The following CHCHD3 variants were observed in gnomAD, a reference collection of about 807,000 sequenced individuals.
CHCHD3 encodes the protein coiled-coil-helix-coiled-coil-helix domain containing 3.
Under a neutral mutation model 38.2 loss-of-function variants are expected in CHCHD3, and 20 were observed. The observed-to-expected ratio is 0.52, with a 90% confidence interval of 0.37 to 0.76. The LOEUF (loss-of-function observed/expected upper bound fraction) is 0.76. Among genes scored for constraint, CHCHD3 ranks in the 30% least tolerant of loss-of-function variants. CHCHD3 has a pLI of 0.00. For synonymous variants in CHCHD3, 82 were observed against 100.0 expected (o/e 0.82, Z 1.07); for missense variants, 245 against 279.2 (o/e 0.88, Z 0.87).
intron 3 of CHCHD3, 44 bp from the exon 4 acceptor site, chr7:132,975,330 A>T (rs771874544): frequency 3.4e-6 from 5 of 1,460,572 alleles, no homozygotes; most frequent in Admixed American, 3.6e-5. Flanking sequence ...ATATTTTATT[A>T]GTTGACATTA....
intron 4 of CHCHD3, among the ~76,000 whole-genome samples, chr7:132,956,521 A>T (rs11983398): frequency 0.71 from 108,552 of 152,106 alleles, 38,880 homozygotes; most frequent in African/African-American, 0.75. Flanking sequence ...AGGCAAGTCA[A>T]GTTATAAATT....
At position 132,975,039 on chromosome 7, in the gene CHCHD3, C is replaced by T. The variant is rs1433186315; in HGVS notation, c.369+130G>A. Reference sequence around the variant, plus strand: ...TAAGCTACTTATAAAAGGCAAAAATCAAAATCTGAGCAAAGAGAACATGAA... The same window carrying T: ...TAAGCTACTTATAAAAGGCAAAAATTAAAATCTGAGCAAAGAGAACATGAA... On this transcript the variant is annotated intron_variant, in intron 4 of 7. Transcript: ENST00000262570. 8.0e-6 allele frequency: 6 copies of T among 749,780 alleles called. No individual in the cohort carries two copies. The Middle Eastern group carries it at 1.2e-3, about 151-fold the overall frequency. The allele number at this position is 749,780 out of a possible 1,614,324, so 46.4% of individuals were successfully genotyped here. A position where few individuals can be genotyped will look rare whatever the true frequency, so the allele number is the denominator to read the frequency against.
At chr7:132,993,612 C>A (rs1812338844) in intron 3 of CHCHD3, among the ~76,000 whole-genome samples, 1 of 152,216 alleles carries the variant, frequency 6.6e-6, no homozygotes, top group Non-Finnish European at 1.5e-5. Context: ...GTGGAAGGAT[C>A]CACTAAGTGG....
chr7:133,071,876 A>G (rs1013210084), intron 1 of CHCHD3, among the ~76,000 whole-genome samples: 2 of 152,240 alleles, frequency 1.3e-5, no homozygotes, highest in Non-Finnish European at 1.5e-5. Flanking sequence ...GATTCTATTT[A>G]TATGAAACAC....
intron 4 of CHCHD3, among the ~76,000 whole-genome samples, chr7:132,938,740 G>A (rs758588582): frequency 7.9e-5 from 12 of 152,056 alleles, no homozygotes; most frequent in African/African-American, 1.4e-4. Context: ...CCCCGACACC[G>A]GCAACAAGCA....
intron 3 of CHCHD3, among the ~76,000 whole-genome samples, chr7:133,006,089 C>A (rs540928519): frequency 3.3e-5 from 5 of 152,264 alleles, no homozygotes; most frequent in African/African-American, 1.2e-4. Context: ...CTAAAATGAT[C>A]TGGCAAGAAT....
At chr7:132,954,652 A>G (rs978572645) in intron 4 of CHCHD3, among the ~76,000 whole-genome samples, 1 of 152,190 alleles carries the variant, frequency 6.6e-6, no homozygotes, top group African/African-American at 2.4e-5. Context: ...GGGAGCCCAC[A>G]GCAGCAGGCC....
chr7:132,851,272 C>A (rs1808212927), intron 5 of CHCHD3, among the ~76,000 whole-genome samples: 1 of 152,136 alleles, frequency 6.6e-6, no homozygotes, highest in East Asian at 1.9e-4. Flanking sequence ...AATATGCCTT[C>A]ATTTCCAGTA....
intron 4 of CHCHD3, among the ~76,000 whole-genome samples, chr7:132,943,118 T>C (rs541852368): frequency 6.6e-6 from 1 of 152,256 alleles, no homozygotes; most frequent in South Asian, 2.1e-4. Context: ...TATCTAAATA[T>C]TAGAAGCACA....
intron 4 of CHCHD3, among the ~76,000 whole-genome samples, chr7:132,964,390 G>C (rs1180850781): frequency 1.3e-5 from 2 of 152,178 alleles, no homozygotes; most frequent in Non-Finnish European, 2.9e-5. Flanking sequence ...AGACTAGCCT[G>C]ACCAACATGG....
At chr7:133,043,369 C>T (rs1406190165) in intron 2 of CHCHD3, among the ~76,000 whole-genome samples, 7 of 152,052 alleles carry the variant, frequency 4.6e-5, no homozygotes, top group Non-Finnish European at 8.8e-5. Context: ...CGACTGGACA[C>T]GGTGGCTCAC....
rs576874779 is a variant in CHCHD3, at chr7:132,789,275, ACTTAAT to A, written c.661-3621_661-3616del. On this transcript the variant is annotated intron_variant, in intron 7 of 7. Transcript: ENST00000262570. ...TTCCTTCATTTAAGGAACTGCTAAC[ACTTAAT>A]CTTAATGTGGAGAAAGAAATTCCTT... Among the ~76,000 whole-genome samples the A allele has an allele frequency of 1.5e-3, 225 of 152,322 alleles. 1 individual carries two copies. Among genetic ancestry groups the A allele is most frequent in the Non-Finnish European group, 2.7e-3 (185 of 68,028 alleles).
chr7:133,046,236 A>T (rs942591711), intron 2 of CHCHD3, among the ~76,000 whole-genome samples: 1 of 152,224 alleles, frequency 6.6e-6, no homozygotes, highest in Non-Finnish European at 1.5e-5. Flanking sequence ...AGAGATCTGT[A>T]AACTTGGATA....
chr7:132,991,968 T>G (rs531993350), intron 3 of CHCHD3, among the ~76,000 whole-genome samples: 1 of 152,334 alleles, frequency 6.6e-6, no homozygotes, highest in South Asian at 2.1e-4. Context: ...GTTCAACATT[T>G]GGCTACGACT....
chr7:132,974,948 C>A (rs1201196905), intron 4 of CHCHD3, among the ~76,000 whole-genome samples: 1 of 152,166 alleles, frequency 6.6e-6, no homozygotes, highest in East Asian at 1.9e-4. Context: ...CACATGTCTG[C>A]ATGTTGGTCT....
intron 3 of CHCHD3, among the ~76,000 whole-genome samples, chr7:132,978,110 C>G (rs923454773): frequency 1.3e-5 from 2 of 152,056 alleles, no homozygotes; most frequent in Non-Finnish European, 2.9e-5. Flanking sequence ...TCTATATAAA[C>G]AAGGCACTCA....
At chr7:133,011,489 G>A (rs757169527) in intron 3 of CHCHD3, among the ~76,000 whole-genome samples, 1 of 152,168 alleles carries the variant, frequency 6.6e-6, no homozygotes, top group Non-Finnish European at 1.5e-5. Context: ...TTGTAGAGGG[G>A]CTGTCCAGTG....
At chr7:133,080,441 G>A (rs943299020) in intron 1 of CHCHD3, among the ~76,000 whole-genome samples, 2 of 152,156 alleles carry the variant, frequency 1.3e-5, no homozygotes, top group Non-Finnish European at 2.9e-5. Context: ...ACTAAAGCAC[G>A]AGAATATGGA....
intron 4 of CHCHD3, among the ~76,000 whole-genome samples, chr7:132,954,189 T>C (rs1335224003): frequency 2.0e-5 from 3 of 152,086 alleles, no homozygotes; most frequent in East Asian, 3.9e-4. Flanking sequence ...CGCCTTGCTC[T>C]GGTGTATATG....
Sources: allele counts gnomAD v4.1 joint callset (sites outside exome capture counted in the v4.1 genomes callset), GRCh38; gene constraint gnomAD v4.1.1; transcripts MANE v1.5; gene names NCBI Gene and HGNC (gene_info 2026-07-23, HGNC 2026-07-21).